Variants in GRIK4 observed in about 807,000 individuals in gnomAD.
GRIK4 encodes glutamate receptor ionotropic, kainate 4.
A neutral mutation model predicts 104.9 loss-of-function variants in GRIK4; 40 were observed. The observed-to-expected ratio is 0.38, with a 90% confidence interval of 0.30 to 0.50. The LOEUF is 0.50. Ranked by LOEUF, GRIK4 falls within the 20% of genes least tolerant of loss-of-function variation. The pLI is 0.93. For synonymous variants in GRIK4, 485 were observed against 524.9 expected (o/e 0.92, Z 1.04); for missense variants, 1,047 against 1,308.1 (o/e 0.80, Z 3.08).
intron 12 of GRIK4, among the ~76,000 whole-genome samples, chr11:120,904,023 G>A (rs192971329): frequency 1.3e-4 from 20 of 152,238 alleles, no homozygotes; most frequent in African/African-American, 4.6e-4. Context: ...GGCTGCTTCT[G>A]TGTTGTCTTC....
chr11:120,677,104 C>T (rs920441826), intron 3 of GRIK4, among the ~76,000 whole-genome samples: 5 of 152,204 alleles, frequency 3.3e-5, no homozygotes, highest in African/African-American at 1.2e-4. Context: ...GACATGTTGG[C>T]TCTTCCATTA....
intron 3 of GRIK4, among the ~76,000 whole-genome samples, chr11:120,668,659 A>T (rs183099123): frequency 6.6e-6 from 1 of 152,252 alleles, no homozygotes; most frequent in Admixed American, 6.5e-5. Context: ...TGATTGAGGA[A>T]TGGAGTCAGA....
At chr11:120,831,784 C>T in intron 6 of GRIK4, 68 bp from the exon 7 acceptor site, 1 of 1,283,398 alleles carries the variant, frequency 7.8e-7, no homozygotes, top group Non-Finnish European at 1.1e-6. Flanking sequence ...TGCCTTCCTG[C>T]TTCTGCCCAG....
intron 1 of GRIK4, among the ~76,000 whole-genome samples, chr11:120,629,535 G>A (rs1949306507): frequency 1.3e-5 from 2 of 152,050 alleles, no homozygotes; most frequent in African/African-American, 4.8e-5. Flanking sequence ...GCTCTGATGA[G>A]AAGGCACCTG....
intron 4 of GRIK4, among the ~76,000 whole-genome samples, chr11:120,804,430 C>T (rs2135515516): frequency 6.6e-6 from 1 of 152,304 alleles, no homozygotes; most frequent in African/African-American, 2.4e-5. Context: ...GGCAGTGGCT[C>T]TGGAGACTCC....
At chr11:120,648,697 G>A (rs772799235) in intron 1 of GRIK4, among the ~76,000 whole-genome samples, 1 of 152,178 alleles carries the variant, frequency 6.6e-6, no homozygotes, top group African/African-American at 2.4e-5. Flanking sequence ...CTCTGCAGAG[G>A]GGGGATGCGG....
chr11:120,948,298 T>C lies in GRIK4; in HGVS notation c.1591-4557T>C, dbSNP rs75844310. ...GTTCTAAAGACTGTAGAAATGCATA[T>C]GAAGGACCCTTTGTCCTTGGCTATG... is the stretch of plus-strand genomic sequence containing the variant. On this transcript the variant is annotated intron_variant, in intron 14 of 20. Coordinates refer to ENST00000527524, the MANE Select transcript of GRIK4 (RefSeq NM_014619.5). Among the ~76,000 whole-genome samples, 1,501 of 152,336 alleles carry C rather than the reference T, an allele frequency of 9.9e-3. 20 individuals carry two copies. The highest frequency in any genetic ancestry group is 0.034 in the African/African-American group (1,398 of 41,566).
chr11:120,586,147 G>A (rs1565561713), intron 1 of GRIK4, among the ~76,000 whole-genome samples: 1 of 152,186 alleles, frequency 6.6e-6, no homozygotes, highest in Non-Finnish European at 1.5e-5. Context: ...TGGAGCTGTA[G>A]TTGTAGCAGG....
At chr11:120,642,777 G>A (rs148055589) in intron 1 of GRIK4, among the ~76,000 whole-genome samples, 46 of 152,228 alleles carry the variant, frequency 3.0e-4, no homozygotes, top group African/African-American at 7.2e-4. Flanking sequence ...ATTCTCTGCC[G>A]TCCTCCTCCT....
At chr11:120,624,241 G>A (rs1285258636) in intron 1 of GRIK4, among the ~76,000 whole-genome samples, 3 of 152,110 alleles carry the variant, frequency 2.0e-5, no homozygotes, top group Non-Finnish European at 4.4e-5. Context: ...AGGTCCCCTT[G>A]GGGTTTGGCA....
chr11:120,874,394 G>A (rs1179165133), intron 10 of GRIK4, among the ~76,000 whole-genome samples, 176 bp downstream of exon 10: 2 of 152,246 alleles, frequency 1.3e-5, no homozygotes, highest in African/African-American at 4.8e-5. Context: ...AGCCACATTT[G>A]TTCCCTAAAC....
intron 1 of GRIK4, among the ~76,000 whole-genome samples, chr11:120,645,453 G>A (rs1591764872): frequency 6.6e-6 from 1 of 152,352 alleles, no homozygotes; most frequent in African/African-American, 2.4e-5. Flanking sequence ...CAAATGGATG[G>A]CCTCCATGCC....
At chr11:120,617,594 C>T (rs1949132733) in intron 1 of GRIK4, among the ~76,000 whole-genome samples, 1 of 152,002 alleles carries the variant, frequency 6.6e-6, no homozygotes, top group African/African-American at 2.4e-5. Flanking sequence ...ATCAGTGGGG[C>T]CTGGTTGTAG....
At chr11:120,582,476 G>A (rs773341966) in intron 1 of GRIK4, among the ~76,000 whole-genome samples, 1 of 152,016 alleles carries the variant, frequency 6.6e-6, no homozygotes, top group African/African-American at 2.4e-5. Flanking sequence ...CCCTGCCCTC[G>A]AGTAGGCTTT....
At chr11:120,941,229 C>T (rs557479180) in intron 14 of GRIK4, among the ~76,000 whole-genome samples, 17 of 152,292 alleles carry the variant, frequency 1.1e-4, no homozygotes, top group African/African-American at 3.6e-4. Flanking sequence ...AAGTGCAGAG[C>T]GTCATACAGA....
chr11:120,890,733 C>G (rs976814233), intron 11 of GRIK4, among the ~76,000 whole-genome samples: 1 of 152,178 alleles, frequency 6.6e-6, no homozygotes, highest in Non-Finnish European at 1.5e-5. Flanking sequence ...GCCTACATTT[C>G]TCAGGTGGGA....
At chr11:120,686,638 A>G (rs958130033) in intron 3 of GRIK4, among the ~76,000 whole-genome samples, 44 of 152,246 alleles carry the variant, frequency 2.9e-4, no homozygotes, top group Non-Finnish European at 5.3e-4. Flanking sequence ...AGAGGGAAGC[A>G]GTGATGTGGA....
chr11:120,599,776 G>C (rs1054598433), intron 1 of GRIK4, among the ~76,000 whole-genome samples: 1 of 152,226 alleles, frequency 6.6e-6, no homozygotes, highest in Non-Finnish European at 1.5e-5. Context: ...GAGAGAAAAG[G>C]CAGTAGGAGC....
At chr11:120,674,909 C>G (rs1950075192) in intron 3 of GRIK4, among the ~76,000 whole-genome samples, 2 of 152,218 alleles carry the variant, frequency 1.3e-5, no homozygotes. Flanking sequence ...AGGCATGCAG[C>G]CTGGAGAAGA....
Sources: allele counts gnomAD v4.1 joint callset (sites outside exome capture counted in the v4.1 genomes callset), GRCh38; gene constraint gnomAD v4.1.1; transcripts MANE v1.5; gene names NCBI Gene and HGNC (gene_info 2026-07-23, HGNC 2026-07-21).